Variants in PHF10 observed in about 807,000 individuals in gnomAD.
PHF10 encodes PHD finger protein 10.
PHF10 carries 51 observed loss-of-function variants against 68.5 expected under a neutral mutation model. The observed-to-expected ratio is 0.74, with a 90% CI of 0.59 to 0.94. The LOEUF (loss-of-function observed/expected upper bound fraction) is 0.94. Ranked by LOEUF, PHF10 falls within the 40% of genes least tolerant of loss-of-function variation. PHF10 has a pLI of 0.00. For missense variants in PHF10, 460 were observed against 602.6 expected (o/e 0.76, Z 2.48); for synonymous variants, 204 against 203.5 (o/e 1.00, Z -0.02).
chr6:169,715,678 T>C, intron 6 of PHF10, 30 bp downstream of exon 6: 2 of 1,595,536 alleles, frequency 1.3e-6, no homozygotes, highest in Non-Finnish European at 1.7e-6. Context: ...TAAACTAAGT[T>C]CAGGGGGTAC....
At position 169,711,627 on chromosome 6, in the gene PHF10, G is replaced by C. The variant is rs528604224; in HGVS notation, c.957+759C>G. Among the ~76,000 whole-genome samples the C allele has an allele frequency of 5.9e-5, 9 of 152,270 alleles. No homozygotes were observed. In the East Asian group the frequency reaches 1.5e-3, roughly 26 times the overall value. ...AGCTCCCCTTTTAGCAACATGACAG[G>C]AGAAAAGTTGTGTCACCACTTTAAT... On this transcript the variant is annotated intron_variant, in intron 8 of 11. Transcript: ENST00000339209.
intron 9 of PHF10, chr6:169,708,776 G>C (rs935593850): frequency 1.3e-5 from 2 of 152,022 alleles, no homozygotes; most frequent in Admixed American, 6.6e-5. Context: ...CAAGCTTACT[G>C]TTGCAAAGAT....
intron 8 of PHF10, 141 bp downstream of exon 8, chr6:169,712,245 A>G (rs938935536): frequency 8.6e-5 from 67 of 775,916 alleles, no homozygotes; most frequent in African/African-American, 8.8e-5. Flanking sequence ...AAAACATACT[A>G]TAAGTAACTT....
chr6:169,706,727 TACACACACACACACACACACACACACAC>T (rs55829134), intron 9 of PHF10, among the ~76,000 whole-genome samples: 13 of 127,464 alleles, frequency 1.0e-4, no homozygotes, highest in South Asian at 2.7e-4. Context: ...CATACATACA[TACACACACACACACACACACACACACAC>T]ACACACACAC....
intron 11 of PHF10, 68 bp downstream of exon 11, chr6:169,705,065 C>A: frequency 8.3e-7 from 1 of 1,202,744 alleles, no homozygotes; most frequent in Non-Finnish European, 1.2e-6. Context: ...AGCGTTTATG[C>A]AGCCTTTTGG....
At chr6:169,705,080 C>T (rs2128328428) in intron 11 of PHF10, 53 bp downstream of exon 11, 1 of 1,366,598 alleles carries the variant, frequency 7.3e-7, no homozygotes, top group East Asian at 2.3e-5. Flanking sequence ...TTTTGGAGTG[C>T]TGGGAGAGTC....
At chr6:169,711,704 A>C (rs1788929359) in intron 8 of PHF10, among the ~76,000 whole-genome samples, 1 of 152,238 alleles carries the variant, frequency 6.6e-6, no homozygotes, top group African/African-American at 2.4e-5. Flanking sequence ...GATGTTTTAG[A>C]AGCTGTTGGT....
rs1307880739 is a variant in PHF10, at chr6:169,710,389, G to A, written c.960C>T (p.Asp320=). Residue 320 remains aspartate, a splice_region_variant and synonymous_variant, in exon 9 of 12, where the codon GAC becomes GAT. Coordinates refer to ENST00000339209, the MANE Select transcript of PHF10 (RefSeq NM_018288.4). The part of the protein sequence containing the change: ...DEKRKNKGTS[D]SSSGNVSEGE... ...CTTCAGATACATTGCCAGAGGAGCT[G>A]TCCTGGAGTTTAAAAGGCAAAAACA... 2 of 1,608,658 alleles carry A rather than the reference G, an allele frequency of 1.2e-6. No individual in the cohort carries two copies. Among genetic ancestry groups the A allele is most frequent in the African/African-American group, 1.3e-5 (1 of 74,804 alleles).
In PHF10 at chr6:169,710,147, G is replaced by A. The variant is rs12663375; in HGVS notation, c.1113+89C>T. Reference sequence around the variant, plus strand: ...AACAGCTAGTGAGGTACAGCAGGCAGAAGCTCCACAATCGTGAAAGTCAAG... The same window carrying A: ...AACAGCTAGTGAGGTACAGCAGGCAAAAGCTCCACAATCGTGAAAGTCAAG... On this transcript the variant is annotated intron_variant, in intron 9 of 11. Coordinates refer to ENST00000339209, the MANE Select transcript of PHF10 (RefSeq NM_018288.4). 0.028 allele frequency: 27,290 copies of A among 964,482 alleles called. 3,526 individuals carry two copies. In the East Asian group the frequency reaches 0.37, roughly 13 times the overall value. 59.7% of individuals were successfully genotyped at this position (964,482 alleles called of 1,614,324 possible). A position where few individuals can be genotyped will look rare whatever the true frequency, so the allele number is the denominator to read the frequency against.
intron 8 of PHF10, among the ~76,000 whole-genome samples, chr6:169,711,063 C>T (rs1256509239): frequency 6.6e-6 from 1 of 152,080 alleles, no homozygotes; most frequent in African/African-American, 2.4e-5. Context: ...ATTAGGTTAT[C>T]TAGAGCCTCC....
chr6:169,711,829 C>T (rs1417363345), intron 8 of PHF10, among the ~76,000 whole-genome samples: 1 of 152,100 alleles, frequency 6.6e-6, no homozygotes, highest in East Asian at 1.9e-4. Flanking sequence ...ATTCAAAGCC[C>T]TATGTCATCA....
chr6:169,704,093 G>GA lies in PHF10; in HGVS notation c.1412-6dup. The GA allele has an allele frequency of 1.3e-6, 2 of 1,571,340 alleles. No homozygotes were observed. Among genetic ancestry groups the GA allele is most frequent in the Non-Finnish European group, 1.7e-6 (2 of 1,167,452 alleles). Reference sequence around the variant, plus strand: ...AACAGTCACAAATCCAGCGACCTAGGAAAAAAATTGTTAATATAGAATGAA... The same window carrying GA: ...AACAGTCACAAATCCAGCGACCTAGGAAAAAAAATTGTTAATATAGAATGAA... On this transcript the variant is annotated splice_region_variant and splice_polypyrimidine_tract_variant and intron_variant, in intron 11 of 11. Transcript: ENST00000339209.
chr6:169,722,019 A>T (rs1411786824), intron 1 of PHF10, among the ~76,000 whole-genome samples: 1 of 152,218 alleles, frequency 6.6e-6, no homozygotes, highest in Non-Finnish European at 1.5e-5. Context: ...CTAGCTGAGT[A>T]GGTTATTCTC....
In PHF10 at chr6:169,705,123, T is replaced by A. The variant is rs755407943; in HGVS notation, c.1411+10A>T. On this transcript the variant is annotated intron_variant, in intron 11 of 11. Coordinates refer to ENST00000339209, the MANE Select transcript of PHF10 (RefSeq NM_018288.4). ...CCAAAGATAATGTTTGCTCTTTTTT[T>A]AATCTTTACCTGATGGAATAGCACC... 6.3e-6 allele frequency: 10 copies of A among 1,580,864 alleles called. No individual in the cohort carries two copies. The East Asian group carries it at 1.6e-4, about 25-fold the overall frequency.
chr6:169,719,001 AT>A, intron 2 of PHF10, 83 bp from the exon 3 acceptor site: 1 of 912,086 alleles, frequency 1.1e-6, no homozygotes, highest in Non-Finnish European at 1.7e-6. Flanking sequence ...TTTGAAAACT[AT>A]TTTAAGTATT....
chr6:169,722,465 C>T (rs1208074118), intron 1 of PHF10, among the ~76,000 whole-genome samples: 2 of 152,106 alleles, frequency 1.3e-5, no homozygotes, highest in Non-Finnish European at 2.9e-5. Flanking sequence ...AAACATTTTC[C>T]TTTAGCTAAA....
chr6:169,715,629 C>G (rs956925747), intron 6 of PHF10, 79 bp downstream of exon 6: 2 of 1,183,598 alleles, frequency 1.7e-6, no homozygotes, highest in Admixed American at 3.9e-5. Context: ...CAAAAAATAA[C>G]GATAAAGGGG....
In PHF10 at chr6:169,718,839, C is replaced by G. The variant is rs1789112863; in HGVS notation, c.274G>C (p.Glu92Gln). 1 of 1,598,590 alleles carries G rather than the reference C, an allele frequency of 6.3e-7. No individual in the cohort carries two copies. Among genetic ancestry groups the G allele is most frequent in the South Asian group, 1.1e-5 (1 of 90,544 alleles). The change falls in exon 3 of 12, where the codon GAA becomes CAA. Residue 92 changes from glutamate (E) to glutamine (Q), a missense_variant. Glu to Gln is a conservative substitution (Grantham distance 29, BLOSUM62 2). Transcript: ENST00000339209. ...DETGEYYMLQ[E>Q]QVSEYLGVTS... ...ACACCCAAATATTCACTGACTTGTT[C>G]TTGAAGCATATAGTATTCTCCTGTT... is the stretch of plus-strand genomic sequence containing the variant.
chr6:169,710,281 A>G lies in PHF10; in HGVS notation c.1068T>C (p.Asp356=). The G allele has an allele frequency of 1.9e-6, 3 of 1,613,154 alleles. No individual in the cohort carries two copies. Among genetic ancestry groups the G allele is most frequent in the Non-Finnish European group, 1.7e-6 (2 of 1,179,602 alleles). ...SKDKAATPRK[D]GPKRSVLSKS... is the part of the protein sequence containing the mutation. ...TGGACAGTACAGAACGTTTGGGACC[A>G]TCTTTTCTTGGAGTGGCAGCTTTGT... The change falls in exon 9 of 12, where the codon GAT becomes GAC. Residue 356 remains aspartate (D), a synonymous_variant. Coordinates refer to ENST00000339209, the MANE Select transcript of PHF10 (RefSeq NM_018288.4).
Sources: gnomAD v4.1 joint callset for allele counts (sites outside exome capture counted in the v4.1 genomes callset) on GRCh38, gnomAD v4.1.1 for gene constraint, MANE v1.5 for transcripts, NCBI Gene and HGNC (gene_info 2026-07-23, HGNC 2026-07-21) for gene names.